Variants in BCAS3 observed in about 807,000 individuals in gnomAD.
BCAS3 encodes BCAS3 microtubule associated cell migration factor, also known as BCAS4/BCAS3 fusion.
Under a neutral mutation model 116.1 loss-of-function variants are expected in BCAS3, and 53 were observed. The observed-to-expected ratio is 0.46, with a 90% CI of 0.37 to 0.57. BCAS3 has a LOEUF of 0.57. Ranked by LOEUF, BCAS3 falls within the 20% of genes least tolerant of loss-of-function variation. BCAS3 has a pLI of 0.00. For missense variants in BCAS3, 917 were observed against 1,165.4 expected (o/e 0.79, Z 3.10); for synonymous variants, 391 against 408.2 (o/e 0.96, Z 0.51).
At chr17:61,033,601 A>G (rs1271775445) in intron 16 of BCAS3, among the ~76,000 whole-genome samples, 1 of 152,196 alleles carries the variant, frequency 6.6e-6, no homozygotes, top group Non-Finnish European at 1.5e-5. Context: ...ATTGAGCAAA[A>G]TAAGGTAGAA....
At chr17:61,230,051 G>A (rs1015709267) in intron 22 of BCAS3, among the ~76,000 whole-genome samples, 1 of 152,084 alleles carries the variant, frequency 6.6e-6, no homozygotes, top group African/African-American at 2.4e-5. Context: ...GTTGAACCCA[G>A]GAGGCCGAGG....
intron 16 of BCAS3, among the ~76,000 whole-genome samples, chr17:61,016,226 G>C (rs7342965): frequency 0.041 from 6,231 of 152,200 alleles, 463 homozygotes; most frequent in African/African-American, 0.14. Context: ...CATTTTCCTG[G>C]CTCTTTCGGG....
At chr17:61,223,053 A>G (rs1004244051) in intron 22 of BCAS3, among the ~76,000 whole-genome samples, 5 of 151,934 alleles carry the variant, frequency 3.3e-5, no homozygotes, top group African/African-American at 9.7e-5. Flanking sequence ...TGCCAATGCA[A>G]TATCTCCCTT....
In BCAS3 at chr17:61,285,715, G is replaced by A. The variant is rs1229951276; in HGVS notation, c.2426-82612G>A. Among the ~76,000 whole-genome samples, 1 of 152,194 alleles carries A rather than the reference G, an allele frequency of 6.6e-6. No homozygotes were observed. Among genetic ancestry groups the A allele is most frequent in the African/African-American group, 2.4e-5 (1 of 41,454 alleles). ...TTTTACTAACTGAAGTACTGTGGGTGGCCGATAAGGCTTGTTTATCCAGGA... is the reference window on the plus strand; with the variant it reads ...TTTTACTAACTGAAGTACTGTGGGTAGCCGATAAGGCTTGTTTATCCAGGA... On this transcript the variant is annotated intron_variant, in intron 22 of 23. Coordinates refer to ENST00000407086, the MANE Select transcript of BCAS3 (RefSeq NM_017679.5). This position sits in a 1 kb window ranked among gnomAD's most constrained non-coding sequence, Gnocchi z 5.4.
At chr17:60,889,896 T>C (rs898824226) in intron 10 of BCAS3, 125 bp downstream of exon 10, 39 of 865,346 alleles carry the variant, frequency 4.5e-5, no homozygotes, top group Non-Finnish European at 6.4e-5. Context: ...GTTCATTTGC[T>C]TTGGTTTGGT....
intron 22 of BCAS3, among the ~76,000 whole-genome samples, chr17:61,308,016 A>G (rs1185476949): frequency 1.3e-5 from 2 of 152,208 alleles, no homozygotes; most frequent in Non-Finnish European, 2.9e-5. Flanking sequence ...CGTTTTATGT[A>G]TTTAGCAAAT....
chr17:61,020,763 C>T lies in BCAS3; in HGVS notation c.1637+4862C>T, dbSNP rs1012559915. Among the ~76,000 whole-genome samples the T allele has an allele frequency of 1.3e-5, 2 of 152,086 alleles. No homozygotes were observed. Among genetic ancestry groups the T allele is most frequent in the Admixed American group, 6.5e-5 (1 of 15,272 alleles). On this transcript the variant is annotated intron_variant, in intron 16 of 23. Transcript: ENST00000407086. This position sits in a 1 kb window ranked among gnomAD's most constrained non-coding sequence, Gnocchi z 4.5. The stretch of plus-strand genomic sequence containing the variant: ...ATGTAACAATTCACAAAAAAATGTT[C>T]ATCAATGAGCTTAATTTTATCTGCT...
Position 60,947,295 on chromosome 17 carries a change from A to T in BCAS3, c.1164A>T (p.Ser388=), listed in dbSNP as rs758564622. ...AAATTCTGACTCATCCTTGGTCCTCATCACAATGTGCTGTCCACCATCTGT... is the reference window on the plus strand; with the variant it reads ...AAATTCTGACTCATCCTTGGTCCTCTTCACAATGTGCTGTCCACCATCTGT... The part of the protein sequence containing the change: ...VFQILTHPWS[S]SQCAVHHLYT... Residue 388 remains serine (S), a synonymous_variant, in exon 14 of 24, where the codon TCA becomes TCT. Transcript: ENST00000407086. 3 of 1,613,360 alleles carry T rather than the reference A, an allele frequency of 1.9e-6. No individual in the cohort carries two copies. The highest frequency in any genetic ancestry group is 2.5e-6 in the Non-Finnish European group (3 of 1,179,328).
rs987157755 is a variant in BCAS3 at position 60,988,343 on chromosome 17, T to C, written c.1222-1628T>C. Among the ~76,000 whole-genome samples, 165 of 140,728 alleles carry C rather than the reference T, an allele frequency of 1.2e-3. 1 individual carries two copies. Among genetic ancestry groups the C allele is most frequent in the African/African-American group, 4.2e-3 (152 of 36,372 alleles). The allele number at this position is 140,728 out of a possible 152,430, so 92.3% of individuals were successfully genotyped here. On this transcript the variant is annotated intron_variant, in intron 14 of 23. Transcript: ENST00000407086. ...TTTCCTTTTCTTTTCTTTTTCTTTT[T>C]TTTTTTTTTTTTTTTTTATGTATGT...
At chr17:61,371,379 G>C (rs1462005079) in intron 23 of BCAS3, among the ~76,000 whole-genome samples, 1 of 152,176 alleles carries the variant, frequency 6.6e-6, no homozygotes, top group African/African-American at 2.4e-5. Context: ...GGGCAGGTCA[G>C]CTCCCCACAA....
At chr17:60,808,456 AG>A (rs2048489131) in intron 7 of BCAS3, among the ~76,000 whole-genome samples, 1 of 152,238 alleles carries the variant, frequency 6.6e-6, no homozygotes. Context: ...GGCTACTAGC[AG>A]TCTTGGCCTC....
chr17:61,014,216 T>C (rs1371437650), intron 15 of BCAS3, among the ~76,000 whole-genome samples: 4 of 152,030 alleles, frequency 2.6e-5, no homozygotes, highest in Non-Finnish European at 4.4e-5. Context: ...CAATAAGAAG[T>C]TTTTTGCATG....
rs2074676539 is a variant in BCAS3, at chr17:61,106,686, T to C, written c.2425+22122T>C. ...GGGACAGTTGTAGAATAAATTATAT[T>C]TTGAAACTTGCTTCATTTATTGTTA... is the stretch of plus-strand genomic sequence containing the variant. On this transcript the variant is annotated intron_variant, in intron 22 of 23. Coordinates refer to ENST00000407086, the MANE Select transcript of BCAS3 (RefSeq NM_017679.5). The surrounding 1 kb of genome is among the most constrained non-coding windows in gnomAD (Gnocchi z 4.2). Among the ~76,000 whole-genome samples the C allele has an allele frequency of 6.6e-6, 1 of 152,240 alleles. No homozygotes were observed. Among genetic ancestry groups the C allele is most frequent in the South Asian group, 2.1e-4 (1 of 4,834 alleles).
rs565603643 is a variant in BCAS3 at position 60,855,452 on chromosome 17, A to ATTTT, written c.477-13107_477-13104dup. Reference sequence around the variant, plus strand: ...CAGCATTTGTTGTCACTATTTTTAAATTTTTTTTTTTTTTTTTTTTGAGGC... The same window carrying ATTTT: ...CAGCATTTGTTGTCACTATTTTTAAATTTTTTTTTTTTTTTTTTTTTTTTGAGGC... On this transcript the variant is annotated intron_variant, in intron 7 of 23. Coordinates refer to ENST00000407086, the MANE Select transcript of BCAS3 (RefSeq NM_017679.5). Among the ~76,000 whole-genome samples, 48 of 125,754 alleles carry ATTTT rather than the reference A, an allele frequency of 3.8e-4. 1 individual carries two copies. Among genetic ancestry groups the ATTTT allele is most frequent in the African/African-American group, 1.1e-3 (36 of 32,556 alleles). 82.5% of individuals were successfully genotyped at this position (125,754 alleles called of 152,430 possible). A position where few individuals can be genotyped will look rare whatever the true frequency, so the allele number is the denominator to read the frequency against.
intron 19 of BCAS3, among the ~76,000 whole-genome samples, chr17:61,042,891 CAAAAAAAAAAAAA>C (rs35629825): frequency 3.4e-5 from 2 of 58,318 alleles, no homozygotes; most frequent in East Asian, 1.5e-3. Context: ...CTCCATCTCA[CAAAAAAAAAAAAA>C]AAAAAAAAAA....
chr17:61,102,925 A>C (rs1451931182), intron 22 of BCAS3, among the ~76,000 whole-genome samples: 1 of 152,088 alleles, frequency 6.6e-6, no homozygotes, highest in Non-Finnish European at 1.5e-5. Flanking sequence ...GTGTATCATA[A>C]TGTATTATGA....
intron 22 of BCAS3, among the ~76,000 whole-genome samples, chr17:61,264,424 T>TA (rs2049492358): frequency 6.6e-6 from 1 of 151,786 alleles, no homozygotes; most frequent in African/African-American, 2.4e-5. Context: ...TTTTTTTTTT[T>TA]TAGAGAGAGA....
Position 61,029,354 on chromosome 17 carries a change from G to A in BCAS3, c.1638-5312G>A, listed in dbSNP as rs184552751. 3.3e-5 allele frequency among the ~76,000 whole-genome samples: 5 copies of A among 151,972 alleles called. No individual in the cohort carries two copies. The highest frequency in any genetic ancestry group is 3.3e-4 in the Admixed American group (5 of 15,252). ...TTCCCTTTGGTAACAAAATAAGCTT[G>A]TTGGAAAGTAAACTATGCATCTTCA... On this transcript the variant is annotated intron_variant, in intron 16 of 23. Coordinates refer to ENST00000407086, the MANE Select transcript of BCAS3 (RefSeq NM_017679.5). This position sits in a 1 kb window ranked among gnomAD's most constrained non-coding sequence, Gnocchi z 5.2.
At position 60,716,151 on chromosome 17, in the gene BCAS3, G is replaced by A. The variant is rs183995740; in HGVS notation, c.321+6826G>A. Among the ~76,000 whole-genome samples, 34 of 152,254 alleles carry A rather than the reference G, an allele frequency of 2.2e-4. No homozygotes were observed. In the East Asian group the frequency reaches 6.4e-3, roughly 29 times the overall value. On this transcript the variant is annotated intron_variant, in intron 5 of 23. Coordinates refer to ENST00000407086, the MANE Select transcript of BCAS3 (RefSeq NM_017679.5). ...GCTGGGATTACAGGCGTGAGCCACCGCGCACAGCCACGAACTATGAAGATT... is the reference window on the plus strand; with the variant it reads ...GCTGGGATTACAGGCGTGAGCCACCACGCACAGCCACGAACTATGAAGATT...
Sources: gnomAD v4.1 joint callset for allele counts (sites outside exome capture counted in the v4.1 genomes callset) on GRCh38, gnomAD v4.1.1 for gene constraint, Gnocchi (gnomAD v3.1) non-coding constraint, MANE v1.5 for transcripts, NCBI Gene and HGNC (gene_info 2026-07-23, HGNC 2026-07-21) for gene names.